The following RNF130 variants were observed in gnomAD, a reference collection of about 807,000 sequenced individuals.
The protein encoded by RNF130 is E3 ubiquitin-protein ligase RNF130.
A neutral mutation model predicts 44.6 loss-of-function variants in RNF130; 21 were observed. That is an observed-to-expected ratio of 0.47 (90% confidence interval 0.33 to 0.68). RNF130 has a LOEUF of 0.68. Ranked by LOEUF, RNF130 falls within the 30% of genes least tolerant of loss-of-function variation. The pLI, the probability that RNF130 is intolerant of heterozygous loss-of-function variation, is 0.02. For missense variants in RNF130, 479 were observed against 560.6 expected, an observed-to-expected ratio of 0.85 and a Z score of 1.47; for synonymous variants, 214 against 210.4, an observed-to-expected ratio of 1.02 and a Z score of -0.15.
Position 179,973,572 on chromosome 5 carries a change from C to T in RNF130, c.849-3066G>A, listed in dbSNP as rs149797906. ...ACAGCATGTGGGCCAAGGCTGAGCA[C>T]CTGCAGGGCCATCACACGGGCAGAG... On this transcript the variant is annotated intron_variant, in intron 5 of 8. Transcript: ENST00000521389. 1.6e-3 allele frequency among the ~76,000 whole-genome samples: 241 copies of T among 152,338 alleles called. 1 individual carries two copies. The highest frequency in any genetic ancestry group is 5.6e-3 in the African/African-American group (234 of 41,580).
chr5:179,943,409 C>G (rs574672813), intron 7 of RNF130, among the ~76,000 whole-genome samples: 1 of 152,260 alleles, frequency 6.6e-6, no homozygotes, highest in East Asian at 1.9e-4. Context: ...TCAGGGAGGG[C>G]CTGACGTGGA....
intron 3 of RNF130, among the ~76,000 whole-genome samples, chr5:179,991,868 T>C (rs949729285): frequency 2.0e-5 from 3 of 152,026 alleles, no homozygotes; most frequent in African/African-American, 7.2e-5. Context: ...CTGGGAGAGA[T>C]GGGAGACAGT....
intron 2 of RNF130, among the ~76,000 whole-genome samples, chr5:180,019,560 C>T (rs1489612098): frequency 2.0e-5 from 3 of 152,162 alleles, no homozygotes; most frequent in Non-Finnish European, 2.9e-5. Flanking sequence ...TAATGAAAGT[C>T]CTTCTCAAAT....
chr5:179,998,861 ATATATATATATATATATATATATGTTT>A (rs1763265064), intron 3 of RNF130, among the ~76,000 whole-genome samples: 4 of 84,518 alleles, frequency 4.7e-5, no homozygotes, highest in South Asian at 4.4e-4. Context: ...AGTATTTTTT[ATATATATATATATATATATATATGTTT>A]TATATATCTG....
chr5:180,054,078 G>A (rs1489226598), intron 1 of RNF130, among the ~76,000 whole-genome samples: 1 of 152,066 alleles, frequency 6.6e-6, no homozygotes, highest in African/African-American at 2.4e-5. Flanking sequence ...GCCTCCCAAA[G>A]TGCTGGATTA....
intron 7 of RNF130, among the ~76,000 whole-genome samples, chr5:179,924,677 T>C (rs1262898297): frequency 6.6e-6 from 1 of 151,912 alleles, no homozygotes; most frequent in Non-Finnish European, 1.5e-5. Flanking sequence ...TAATCCCAGC[T>C]ACACAGGAGG....
intron 7 of RNF130, among the ~76,000 whole-genome samples, chr5:179,949,357 T>TG (rs1263576208): frequency 1.3e-5 from 2 of 152,036 alleles, no homozygotes; most frequent in African/African-American, 4.8e-5. Flanking sequence ...CTTGAACTCT[T>TG]GGGCTCAAGT....
intron 7 of RNF130, among the ~76,000 whole-genome samples, chr5:179,933,053 G>A (rs901843521): frequency 5.3e-5 from 8 of 152,096 alleles, no homozygotes; most frequent in Admixed American, 1.3e-4. Flanking sequence ...GAAATAGAGC[G>A]CAGAGGAGCG....
intron 5 of RNF130, among the ~76,000 whole-genome samples, chr5:179,972,475 T>C (rs1220098989): frequency 6.6e-6 from 1 of 152,156 alleles, no homozygotes; most frequent in African/African-American, 2.4e-5. Context: ...TATGATGCTG[T>C]GACCTCTGAT....
At chr5:179,929,040 C>T (rs572312848) in intron 7 of RNF130, among the ~76,000 whole-genome samples, 6 of 152,290 alleles carry the variant, frequency 3.9e-5, no homozygotes, top group African/African-American at 1.4e-4. Context: ...AAGTCTTTGC[C>T]TATCTGAAGG....
intron 1 of RNF130, among the ~76,000 whole-genome samples, 158 bp downstream of exon 1, chr5:180,071,298 C>G (rs1210945565): frequency 1.3e-5 from 2 of 152,262 alleles, no homozygotes; most frequent in Non-Finnish European, 2.9e-5. Flanking sequence ...CCCACGGGAG[C>G]AGGCCGGGCT....
At chr5:179,980,230 T>G in intron 3 of RNF130, 30 bp from the exon 4 acceptor site, 1 of 1,592,316 alleles carries the variant, frequency 6.3e-7, no homozygotes, top group Non-Finnish European at 8.6e-7. Flanking sequence ...AAACAGATAC[T>G]AAGTGTAAGA....
intron 8 of RNF130, among the ~76,000 whole-genome samples, chr5:179,956,781 A>G (rs747062067): frequency 3.9e-5 from 6 of 152,210 alleles, no homozygotes; most frequent in Non-Finnish European, 8.8e-5. Flanking sequence ...CTCCAGCCAC[A>G]TCAGTACGCA....
At chr5:179,934,124 C>G in intron 7 of RNF130, 1 of 248,864 alleles carries the variant, frequency 4.0e-6, no homozygotes, top group South Asian at 4.7e-5. Flanking sequence ...CTAATAAGAA[C>G]CTGGTGTTTG....
chr5:179,934,592 G>A (rs1316938136), intron 7 of RNF130, among the ~76,000 whole-genome samples: 1 of 149,434 alleles, frequency 6.7e-6, no homozygotes, highest in African/African-American at 2.5e-5. Context: ...TGTTGCCCAG[G>A]CTGGAGTACA....
At chr5:179,955,777 T>C (rs1246972345) in intron 8 of RNF130, 108 bp from the exon 9 acceptor site, 3 of 849,438 alleles carry the variant, frequency 3.5e-6, no homozygotes, top group Admixed American at 4.9e-5. Flanking sequence ...CCCCAGCTAG[T>C]TCCCAACCCC....
intron 2 of RNF130, among the ~76,000 whole-genome samples, chr5:180,027,974 C>T (rs1443196568): frequency 1.3e-5 from 2 of 152,212 alleles, no homozygotes; most frequent in Non-Finnish European, 2.9e-5. Context: ...CTTTCAAATC[C>T]TCCCGTGTTA....
chr5:180,025,273 G>A (rs533170997), intron 2 of RNF130, among the ~76,000 whole-genome samples: 59 of 152,258 alleles, frequency 3.9e-4, no homozygotes, highest in South Asian at 3.7e-3. Flanking sequence ...CTGGAACCTA[G>A]GAAACTGATT....
At chr5:179,999,606 A>G (rs1408250208) in intron 3 of RNF130, among the ~76,000 whole-genome samples, 1 of 152,102 alleles carries the variant, frequency 6.6e-6, no homozygotes, top group East Asian at 1.9e-4. Context: ...CCTGTAATCT[A>G]TTCAGGAGGC....
Sources: gnomAD v4.1 joint callset for allele counts (sites outside exome capture counted in the v4.1 genomes callset) on GRCh38, gnomAD v4.1.1 for gene constraint, MANE v1.5 for transcripts, NCBI Gene and HGNC (gene_info 2026-07-23, HGNC 2026-07-21) for gene names.